The following MAGI1 variants were observed in gnomAD, a reference collection of about 807,000 sequenced individuals.
MAGI1 encodes the protein membrane-associated guanylate kinase, WW and PDZ domain-containing protein 1.
Under a neutral mutation model 139.9 loss-of-function variants are expected in MAGI1, and 58 were observed. The observed-to-expected ratio is 0.41, with a 90% confidence interval of 0.34 to 0.52. The LOEUF (loss-of-function observed/expected upper bound fraction) is 0.52. MAGI1 is among the 20% of genes least tolerant of loss of function. MAGI1 has a pLI of 0.12. For synonymous variants in MAGI1, 812 were observed against 737.9 expected (o/e 1.10, Z -1.63); for missense variants, 1,874 against 1,901.6 (o/e 0.99, Z 0.27).
chr3:65,479,838 A>G (rs1331487284), intron 3 of MAGI1, among the ~76,000 whole-genome samples: 1 of 152,162 alleles, frequency 6.6e-6, no homozygotes, highest in Non-Finnish European at 1.5e-5. Context: ...ACAAAATCAC[A>G]AAGGGTGGTT....
intron 1 of MAGI1, among the ~76,000 whole-genome samples, chr3:65,649,849 C>T (rs1038283436): frequency 9.2e-5 from 14 of 152,150 alleles, no homozygotes; most frequent in Non-Finnish European, 1.9e-4. Flanking sequence ...ATATTGACAA[C>T]GCCTAATGCT....
chr3:65,646,222 A>G (rs1458865694), intron 1 of MAGI1, among the ~76,000 whole-genome samples: 2 of 152,130 alleles, frequency 1.3e-5, no homozygotes, highest in Admixed American at 1.3e-4. Context: ...ATATGCAAAC[A>G]TTAATGAAAA....
intron 22 of MAGI1, chr3:65,360,683 T>G (rs933312461): frequency 2.0e-6 from 2 of 986,984 alleles, no homozygotes; most frequent in African/African-American, 3.5e-5. Flanking sequence ...AAGACACCAG[T>G]TGGGGGATGG....
At chr3:65,681,510 C>A (rs1190844263) in intron 1 of MAGI1, among the ~76,000 whole-genome samples, 1 of 152,154 alleles carries the variant, frequency 6.6e-6, no homozygotes, top group Non-Finnish European at 1.5e-5. Flanking sequence ...TATATCCAAC[C>A]GGGACAGACA....
chr3:65,958,242 G>A (rs1179799255), intron 1 of MAGI1, among the ~76,000 whole-genome samples: 1 of 152,074 alleles, frequency 6.6e-6, no homozygotes, highest in African/African-American at 2.4e-5. Context: ...ACTTACACAG[G>A]AAAAAATAGG....
chr3:65,782,161 G>A (rs1253348189), intron 1 of MAGI1, among the ~76,000 whole-genome samples: 2 of 152,106 alleles, frequency 1.3e-5, no homozygotes, highest in Non-Finnish European at 2.9e-5. Context: ...CTGCTTCCCA[G>A]AACCTGTGAC....
rs189254397 is a variant in MAGI1 at position 65,586,156 on chromosome 3, G to A, written c.430+35816C>T. On this transcript the variant is annotated intron_variant, in intron 2 of 22. Transcript: ENST00000402939. ...GCCCAGGAGGTTTAGGTTGGAGTGA[G>A]CCATGGTCATGCCACTGTACTCTAG... 2.4e-3 allele frequency among the ~76,000 whole-genome samples: 360 copies of A among 152,006 alleles called. 2 individuals are homozygous for A. The highest frequency in any genetic ancestry group is 8.0e-3 in the African/African-American group (330 of 41,486).
At chr3:65,869,367 T>TTGTTG (rs2059846075) in intron 1 of MAGI1, among the ~76,000 whole-genome samples, 66 of 118,938 alleles carry the variant, frequency 5.5e-4, no homozygotes, top group African/African-American at 9.6e-4. Context: ...AGACTGGTTT[T>TTGTTG]TTGTTGTTGT....
chr3:65,714,827 T>C (rs2032015167), intron 1 of MAGI1, among the ~76,000 whole-genome samples: 1 of 152,082 alleles, frequency 6.6e-6, no homozygotes, highest in Non-Finnish European at 1.5e-5. Context: ...CCAATTTAAA[T>C]CATCTGAAAT....
At chr3:65,576,119 T>C (rs952156093) in intron 2 of MAGI1, among the ~76,000 whole-genome samples, 1 of 152,222 alleles carries the variant, frequency 6.6e-6, no homozygotes, top group African/African-American at 2.4e-5. Flanking sequence ...CTAATTTTGT[T>C]TTCTAATTAC....
At chr3:65,974,253 T>G (rs76039806) in intron 1 of MAGI1, among the ~76,000 whole-genome samples, 2 of 151,400 alleles carry the variant, frequency 1.3e-5, no homozygotes, top group African/African-American at 2.4e-5. Context: ...TGGGAAATAG[T>G]AGGCCCTCAA....
chr3:65,726,866 G>A (rs935716808), intron 1 of MAGI1, among the ~76,000 whole-genome samples: 2 of 150,758 alleles, frequency 1.3e-5, no homozygotes, highest in African/African-American at 2.4e-5. Flanking sequence ...TGCAAAAGAC[G>A]AGAGGCAGAA....
intron 1 of MAGI1, among the ~76,000 whole-genome samples, chr3:65,921,008 G>A (rs2062152202): frequency 6.6e-6 from 1 of 151,456 alleles, no homozygotes; most frequent in Admixed American, 6.6e-5. Context: ...CAGCCTGGGT[G>A]ACAGAGCAAG....
intron 1 of MAGI1, among the ~76,000 whole-genome samples, chr3:65,820,697 C>A (rs989352425): frequency 1.3e-5 from 2 of 152,116 alleles, no homozygotes; most frequent in Non-Finnish European, 2.9e-5. Flanking sequence ...AGTTCCCTAA[C>A]CCCCAGGACT....
At chr3:65,994,253 G>A (rs1295584507) in intron 1 of MAGI1, among the ~76,000 whole-genome samples, 14 of 115,330 alleles carry the variant, frequency 1.2e-4, no homozygotes, top group South Asian at 2.9e-4. Context: ...CAGCCTGGGC[G>A]ACAAAGCAAG....
At chr3:65,547,339 C>A (rs935252077) in intron 2 of MAGI1, among the ~76,000 whole-genome samples, 12 of 152,292 alleles carry the variant, frequency 7.9e-5, no homozygotes, top group African/African-American at 2.4e-4. Flanking sequence ...GGGTATGACA[C>A]TATTGTTAAC....
chr3:65,668,745 G>A (rs1242390074), intron 1 of MAGI1, among the ~76,000 whole-genome samples: 4 of 150,784 alleles, frequency 2.7e-5, no homozygotes, highest in Non-Finnish European at 5.9e-5. Flanking sequence ...GTAGAGACGG[G>A]GTTTCACCAT....
At chr3:65,886,278 T>C (rs1336362606) in intron 1 of MAGI1, among the ~76,000 whole-genome samples, 1 of 152,190 alleles carries the variant, frequency 6.6e-6, no homozygotes, top group African/African-American at 2.4e-5. Flanking sequence ...TTTTTGACAG[T>C]CAAACTGCAT....
intron 22 of MAGI1, chr3:65,359,572 A>G: frequency 4.0e-6 from 4 of 1,002,352 alleles, no homozygotes; most frequent in Non-Finnish European, 4.8e-6. Flanking sequence ...CATTACAAAA[A>G]TAGCCTCACA....
Sources: gnomAD v4.1 joint callset for allele counts (sites outside exome capture counted in the v4.1 genomes callset) on GRCh38, gnomAD v4.1.1 for gene constraint, MANE v1.5 for transcripts, NCBI Gene and HGNC (gene_info 2026-07-23, HGNC 2026-07-21) for gene names.